The following GDF5 variants were observed in gnomAD, a reference collection of about 807,000 sequenced individuals.
The protein encoded by GDF5 is growth/differentiation factor 5.
GDF5 carries 17 observed loss-of-function variants against 34.6 expected under a neutral mutation model. The ratio of observed to expected loss-of-function variants is 0.49; its 90% confidence interval spans 0.34 to 0.74. The LOEUF is 0.74. Ranked by LOEUF, GDF5 falls within the 30% of genes least tolerant of loss-of-function variation. The probability of loss-of-function intolerance (pLI) is 0.01; values close to 1 mark genes in which losing one functional copy is unlikely to be tolerated. For synonymous variants in GDF5, 332 were observed against 290.7 expected (o/e 1.14, Z -1.44); for missense variants, 616 against 661.2 (o/e 0.93, Z 0.75).
Position 35,437,865 on chromosome 20 carries a change from T to C in GDF5, c.64A>G (p.Ile22Val), listed in dbSNP as rs369817738. ...WYLAWLDLEF[I>V]CTVLGAPDLG... ...TCAGGGGCACCCAACACAGTGCAGA[T>C]GAATTCCAGGTCCAGCCAAGCCAGG... Residue 22 changes from isoleucine to valine, a missense_variant, in exon 1 of 2, where the codon ATC becomes GTC. By Grantham distance (29) the Ile-to-Val change is conservative. Transcript: ENST00000374369. The C allele has an allele frequency of 1.2e-6, 2 of 1,614,094 alleles. No individual in the cohort carries two copies. Among genetic ancestry groups the C allele is most frequent in the South Asian group, 1.1e-5 (1 of 91,072 alleles).
chr20:35,438,359 C>CACACACACAT (rs2062484561), upstream of GDF5: 2 of 11,192 alleles, frequency 1.8e-4, no homozygotes, highest in Middle Eastern at 0.05. Context: ...GAAAATACTT[C>CACACACACAT]ACACACACAC....
Position 35,437,719 on chromosome 20 carries a change from G to C in GDF5, c.210C>G (p.Thr70=). 1.2e-6 allele frequency: 2 copies of C among 1,613,752 alleles called. No homozygotes were observed. The highest frequency in any genetic ancestry group is 1.7e-6 in the Non-Finnish European group (2 of 1,179,850). Residue 70 remains threonine, a synonymous_variant, in exon 1 of 2, where the codon ACC becomes ACG. Coordinates refer to ENST00000374369, the MANE Select transcript of GDF5 (RefSeq NM_000557.5). ...PGGHSYGGGA[T]NANARAKGGT... ...CTCCCTTTGCCCTGGCATTGGCATT[G>C]GTGGCCCCCCCACCATAGCTGTGAC...
In GDF5 at chr20:35,443,872, GATA is replaced by G. The variant is rs544009004; in HGVS notation, c.-397-2488_-397-2486del. ...CAGATGAGTAAACAGTGAACTGAGT[GATA>G]ATAATAATAATCCCTTTTTCAAGCA... On this transcript the variant is annotated intron_variant, in intron 1 of 3. Coordinates refer to the GDF5 transcript ENST00000374372. Among the ~76,000 whole-genome samples the G allele has an allele frequency of 1.5e-3, 235 of 152,130 alleles. 3 individuals are homozygous for G. Among genetic ancestry groups the G allele is most frequent in the Non-Finnish European group, 1.5e-3 (101 of 68,004 alleles).
intron 1 of GDF5, among the ~76,000 whole-genome samples, chr20:35,453,624 G>T (rs973298710): frequency 1.3e-5 from 2 of 152,178 alleles, no homozygotes; most frequent in Non-Finnish European, 2.9e-5. Flanking sequence ...CCCCTCTCTA[G>T]ATAGTTTGCC....
At position 35,433,912 on chromosome 20, in the gene GDF5, C is replaced by A. The variant is rs753446924; in HGVS notation, c.1503G>T (p.Arg501Ser). The change falls in exon 2 of 2, where the codon AGG (arginine) becomes AGT (serine). Residue 501 changes from arginine to serine, a missense_variant. Coordinates refer to ENST00000374369, the MANE Select transcript of GDF5 (RefSeq NM_000557.5). ...EDMVVESCGC[R>S] ...GGAAGACAGAGGGCCAGTGCTGCTA[C>A]CTGCAGCCACACGACTCCACGACCA... 1 of 1,613,158 alleles carries A rather than the reference C, an allele frequency of 6.2e-7. No individual in the cohort carries two copies.
chr20:35,451,070 T>TATATATATATATATATATATATATAA (rs2062531064), intron 1 of GDF5, among the ~76,000 whole-genome samples: 1 of 34,796 alleles, frequency 2.9e-5, no homozygotes, highest in African/African-American at 2.7e-4. Context: ...AAAAAATATA[T>TATATATATATATATATATATATATAA]ATATATATAT....
At chr20:35,439,284 G>A (rs766619742), upstream of GDF5, among the ~76,000 whole-genome samples, 4 of 147,326 alleles carry the variant, frequency 2.7e-5, no homozygotes, top group Admixed American at 6.8e-5. Context: ...GTCGAGTGCA[G>A]TGGCATGATC....
At chr20:35,439,608 T>C (rs879382725), upstream of GDF5, among the ~76,000 whole-genome samples, 19 of 152,172 alleles carry the variant, frequency 1.2e-4, no homozygotes, top group Non-Finnish European at 2.1e-4. Context: ...AAGTGCCTCA[T>C]TGAAGTATGG....
intron 1 of GDF5, among the ~76,000 whole-genome samples, chr20:35,452,865 C>T (rs1412694971): frequency 2.7e-5 from 4 of 149,942 alleles, no homozygotes; most frequent in African/African-American, 9.7e-5. Context: ...TGTGCTAAAT[C>T]CCAGGAATAA....
chr20:35,433,574 T>A lies in GDF5; in HGVS notation c.*335A>T. 2 of 385,644 alleles carry A rather than the reference T, an allele frequency of 5.2e-6. No individual in the cohort carries two copies. Among genetic ancestry groups the A allele is most frequent in the Non-Finnish European group, 5.0e-6 (1 of 200,834 alleles). 23.9% of individuals were successfully genotyped at this position (385,644 alleles called of 1,614,324 possible). A position where few individuals can be genotyped will look rare whatever the true frequency, so the allele number is the denominator to read the frequency against. ...GAGGTGCTTAGGAGAGTCCAGAGGC[T>A]GAGAAGGCCCAGGTGAGGAGAAATG... On this transcript the variant is annotated 3_prime_UTR_variant, in exon 2 of 2. Coordinates refer to ENST00000374369, the MANE Select transcript of GDF5 (RefSeq NM_000557.5).
Position 35,437,779 on chromosome 20 carries a change from C to G in GDF5, c.150G>C (p.Arg50Ser), listed in dbSNP as rs2062480985. The change falls in exon 1 of 2, where the codon AGG (arginine) becomes AGC (serine). Residue 50 changes from arginine (R) to serine (S), a missense_variant. Transcript: ENST00000374369. Reference protein sequence around the residue: ...PGLAKAEAKERPPLARNVFRP... With the variant: ...PGLAKAEAKESPPLARNVFRP... ...TGAAGACGTTCCGGGCCAGGGGGGG[C>G]CTCTCCTTGGCCTCTGCTTTGGCCA... The G allele has an allele frequency of 8.7e-6, 14 of 1,613,016 alleles. No homozygotes were observed. In the South Asian group the frequency reaches 1.4e-4, roughly 16 times the overall value.
intron 1 of GDF5, among the ~76,000 whole-genome samples, chr20:35,445,265 T>C (rs1238020961): frequency 6.6e-6 from 1 of 152,162 alleles, no homozygotes; most frequent in African/African-American, 2.4e-5. Context: ...CATACTTGGC[T>C]CACACCTATA....
intron 1 of GDF5, among the ~76,000 whole-genome samples, chr20:35,436,332 C>T (rs1206913562): frequency 6.6e-6 from 1 of 151,946 alleles, no homozygotes; most frequent in Admixed American, 6.6e-5. Flanking sequence ...CTCCCCCGCC[C>T]CCTGGCAGCC....
At chr20:35,446,613 TAC>T (rs2062514933) in intron 1 of GDF5, among the ~76,000 whole-genome samples, 1 of 152,010 alleles carries the variant, frequency 6.6e-6, no homozygotes, top group Admixed American at 6.6e-5. Context: ...AATCATAAAT[TAC>T]AGTTTTGTTT....
intron 1 of GDF5, among the ~76,000 whole-genome samples, chr20:35,447,427 C>T (rs1199284411): frequency 6.6e-6 from 1 of 152,192 alleles, no homozygotes. Flanking sequence ...AGTTGAGTGT[C>T]TCTGGGCCTT....
chr20:35,448,208 C>T (rs1172146261), intron 1 of GDF5, among the ~76,000 whole-genome samples: 1 of 151,910 alleles, frequency 6.6e-6, no homozygotes, highest in Non-Finnish European at 1.5e-5. Flanking sequence ...CTCCACTCCT[C>T]CTTCCCTCCA....
chr20:35,446,923 G>C (rs1004498597), intron 1 of GDF5, among the ~76,000 whole-genome samples: 2 of 151,810 alleles, frequency 1.3e-5, no homozygotes, highest in South Asian at 2.1e-4. Flanking sequence ...ATCCCAGCAA[G>C]AGCAGAGCCG....
At position 35,433,743 on chromosome 20, in the gene GDF5, C is replaced by A. The variant is rs569761315; in HGVS notation, c.*166G>T. On this transcript the variant is annotated 3_prime_UTR_variant, in exon 2 of 2. Transcript: ENST00000374369. ...AGGGGAACTTGTGGATAAAAGGGGG[C>A]CTTTAGCCCAAGTCACACTCAGAGA... 1.4e-6 allele frequency: 1 copy of A among 719,382 alleles called. No individual in the cohort carries two copies. Among genetic ancestry groups the A allele is most frequent in the Admixed American group, 2.0e-5 (1 of 50,382 alleles). 44.6% of individuals were successfully genotyped at this position (719,382 alleles called of 1,614,324 possible). A position where few individuals can be genotyped will look rare whatever the true frequency, so the allele number is the denominator to read the frequency against.
At chr20:35,444,048 T>C (rs1010633503) in intron 1 of GDF5, among the ~76,000 whole-genome samples, 1 of 152,040 alleles carries the variant, frequency 6.6e-6, no homozygotes, top group Non-Finnish European at 1.5e-5. Context: ...CATTTGCCAA[T>C]TGGGTGATGT....
Sources: allele counts gnomAD v4.1 joint callset (sites outside exome capture counted in the v4.1 genomes callset), GRCh38; gene constraint gnomAD v4.1.1; transcripts MANE v1.5; gene names NCBI Gene and HGNC (gene_info 2026-07-23, HGNC 2026-07-21).